TLL2: variants seen among roughly 807,000 people sequenced by gnomAD.
TLL2 encodes the protein tolloid-like protein 2.
TLL2 carries 106 observed loss-of-function variants against 123.0 expected under a neutral mutation model. That is an observed-to-expected ratio of 0.86 (90% confidence interval 0.74 to 1.01). The LOEUF (loss-of-function observed/expected upper bound fraction) is 1.01. Ranked by LOEUF, TLL2 falls within the 50% of genes least tolerant of loss-of-function variation. The pLI is 0.00. For synonymous variants in TLL2, 494 were observed against 516.8 expected (o/e 0.96, Z 0.60); for missense variants, 1,332 against 1,336.7 (o/e 1.00, Z 0.06).
intron 1 of TLL2, among the ~76,000 whole-genome samples, chr10:96,484,742 G>A (rs1847342005): frequency 6.6e-6 from 1 of 152,032 alleles, no homozygotes; most frequent in Non-Finnish European, 1.5e-5. Flanking sequence ...CCCTGTACTC[G>A]ACACATAGAT....
intron 4 of TLL2, among the ~76,000 whole-genome samples, chr10:96,430,742 C>G (rs980999401): frequency 6.6e-6 from 1 of 151,998 alleles, no homozygotes; most frequent in African/African-American, 2.4e-5. Flanking sequence ...ATTAGCTGGG[C>G]TTGGTGGCAC....
chr10:96,446,867 G>A (rs1051442391), intron 2 of TLL2, among the ~76,000 whole-genome samples: 1 of 152,198 alleles, frequency 6.6e-6, no homozygotes, highest in Non-Finnish European at 1.5e-5. Flanking sequence ...GCAATTCCAG[G>A]CACCATGGAT....
chr10:96,413,177 A>C lies in TLL2; in HGVS notation c.1048+15T>G, dbSNP rs752597219. On this transcript the variant is annotated intron_variant, in intron 8 of 20. Transcript: ENST00000357947. ...TGCTAGGGAGGTGCTGGCAGTCCCCACGGCTCATAGTTACCTGGGCATTTG... is the reference window on the plus strand; with the variant it reads ...TGCTAGGGAGGTGCTGGCAGTCCCCCCGGCTCATAGTTACCTGGGCATTTG... The C allele has an allele frequency of 1.2e-6, 2 of 1,613,548 alleles. No homozygotes were observed. The highest frequency in any genetic ancestry group is 1.7e-6 in the Non-Finnish European group (2 of 1,179,634).
At chr10:96,407,423 T>A (rs1166973067) in intron 9 of TLL2, among the ~76,000 whole-genome samples, 2 of 152,182 alleles carry the variant, frequency 1.3e-5, no homozygotes, top group East Asian at 3.8e-4. Flanking sequence ...ATCTACTAGC[T>A]CTGGAGTCTT....
chr10:96,509,953 GTAAA>G (rs35135927), intron 1 of TLL2, among the ~76,000 whole-genome samples: 6 of 151,982 alleles, frequency 3.9e-5, no homozygotes, highest in South Asian at 2.1e-4. Context: ...TCTCAAAAAA[GTAAA>G]TAAATAAATA....
At chr10:96,397,143 C>T in intron 11 of TLL2, 43 bp downstream of exon 11, 1 of 1,553,630 alleles carries the variant, frequency 6.4e-7, no homozygotes, top group Non-Finnish European at 8.8e-7. Context: ...AAGGACAGAG[C>T]TTATGAGGGG....
At chr10:96,409,875 C>T (rs1484786656) in intron 9 of TLL2, among the ~76,000 whole-genome samples, 3 of 152,172 alleles carry the variant, frequency 2.0e-5, no homozygotes, top group African/African-American at 7.2e-5. Flanking sequence ...CCAGTCCATC[C>T]CGCTGGAGGG....
chr10:96,478,893 T>C (rs972601775), intron 2 of TLL2, among the ~76,000 whole-genome samples: 1 of 152,150 alleles, frequency 6.6e-6, no homozygotes, highest in Non-Finnish European at 1.5e-5. Context: ...ATGTAAAAGT[T>C]CATCATGCTG....
intron 2 of TLL2, among the ~76,000 whole-genome samples, chr10:96,475,653 G>T (rs909171614): frequency 6.6e-6 from 1 of 152,184 alleles, no homozygotes; most frequent in Non-Finnish European, 1.5e-5. Context: ...CTCTGGGGTT[G>T]CACTGCAGGG....
intron 7 of TLL2, among the ~76,000 whole-genome samples, chr10:96,413,522 T>C (rs1385710211): frequency 6.6e-6 from 1 of 152,198 alleles, no homozygotes; most frequent in Non-Finnish European, 1.5e-5. Flanking sequence ...CTACTCGCTT[T>C]CCAGTGGGAA....
intron 10 of TLL2, among the ~76,000 whole-genome samples, chr10:96,403,687 G>A (rs893043216): frequency 1.2e-4 from 18 of 151,960 alleles, no homozygotes; most frequent in Non-Finnish European, 1.9e-4. Flanking sequence ...CCCGACACCC[G>A]TAAAGGGTCT....
chr10:96,382,882 G>A (rs1271174745), intron 16 of TLL2, among the ~76,000 whole-genome samples: 18 of 152,192 alleles, frequency 1.2e-4, no homozygotes, highest in Admixed American at 1.2e-3. Context: ...CAGACAAAAT[G>A]GACTAAGATA....
Position 96,480,379 on chromosome 10 carries a change from G to T in TLL2, c.256C>A (p.Gln86Lys). The change falls in exon 2 of 21, where the codon CAG becomes AAG. Residue 86 changes from glutamine (Q) to lysine (K), a missense_variant. By Grantham distance (53) the Gln-to-Lys change is moderately conservative. Transcript: ENST00000357947. The stretch of plus-strand genomic sequence containing the variant: ...CTGTGTCCTGTTGCCCCCACTGTCT[G>T]CTTGGTCCAGTCTCTGGCTTTGTCA... ...HIDKARDWTK[Q>K]TVGATGHSTG... The T allele has an allele frequency of 6.2e-7, 1 of 1,614,184 alleles. No individual in the cohort carries two copies. The highest frequency in any genetic ancestry group is 8.5e-7 in the Non-Finnish European group (1 of 1,180,038).
chr10:96,474,961 T>C (rs1456852228), intron 2 of TLL2, among the ~76,000 whole-genome samples: 1 of 152,176 alleles, frequency 6.6e-6, no homozygotes, highest in Non-Finnish European at 1.5e-5. Flanking sequence ...GTCTGTCCTC[T>C]TCTTTTCCTA....
chr10:96,471,744 C>T (rs1271325831), intron 2 of TLL2, among the ~76,000 whole-genome samples: 3 of 152,100 alleles, frequency 2.0e-5, no homozygotes, highest in Non-Finnish European at 2.9e-5. Flanking sequence ...GCTCCGACAC[C>T]CACGTCTTCC....
chr10:96,400,555 T>G (rs10786288), intron 10 of TLL2, among the ~76,000 whole-genome samples: 148,109 of 152,220 alleles, frequency 0.97, 72,176 homozygotes, highest in East Asian at 1. Context: ...GAAATGCCAG[T>G]CTTGGCTGTT....
rs749371559 is a variant in TLL2, at chr10:96,482,364, A to C, written c.176-1905T>G. 2.0e-5 allele frequency among the ~76,000 whole-genome samples: 3 copies of C among 152,256 alleles called. No homozygotes were observed. The East Asian group carries it at 5.8e-4, about 29-fold the overall frequency. On this transcript the variant is annotated intron_variant, in intron 1 of 20. Transcript: ENST00000357947. ...AGAAATGAAAACACATGTTCATACA[A>C]AGACATGCTCAAAGGTTTATGGCAG... is the stretch of plus-strand genomic sequence containing the variant.
intron 1 of TLL2, among the ~76,000 whole-genome samples, 190 bp downstream of exon 1, chr10:96,513,321 G>A (rs1419370080): frequency 6.6e-6 from 1 of 152,192 alleles, no homozygotes; most frequent in Non-Finnish European, 1.5e-5. Flanking sequence ...CGCAAACCTG[G>A]GGCCGGGACA....
At chr10:96,370,462 CA>C (rs1846071504) in intron 19 of TLL2, 147 bp from the exon 20 acceptor site, 2 of 1,168,588 alleles carry the variant, frequency 1.7e-6, no homozygotes, top group Non-Finnish European at 2.3e-6. Context: ...TGGAGGAGTA[CA>C]CAGAGGCCCC....
Sources: gnomAD v4.1 joint callset for allele counts (sites outside exome capture counted in the v4.1 genomes callset) on GRCh38, gnomAD v4.1.1 for gene constraint, MANE v1.5 for transcripts, NCBI Gene and HGNC (gene_info 2026-07-23, HGNC 2026-07-21) for gene names.